PTPRN2: variants seen among roughly 807,000 people sequenced by gnomAD.
PTPRN2 encodes the protein protein tyrosine phosphatase receptor type N2, also known as receptor-type tyrosine-protein phosphatase N2.
PTPRN2 carries 74 observed loss-of-function variants against 118.8 expected under a neutral mutation model. The observed-to-expected ratio is 0.62, with a 90% CI of 0.52 to 0.76. The LOEUF (loss-of-function observed/expected upper bound fraction) is 0.76, where lower values mean the gene tolerates loss of function less well. Ranked by LOEUF, PTPRN2 falls within the 30% of genes least tolerant of loss-of-function variation. PTPRN2 has a pLI of 0.00. For missense variants in PTPRN2, 1,481 were observed against 1,394.4 expected, an observed-to-expected ratio of 1.06 and a Z score of -0.99; for synonymous variants, 641 against 608.0, an observed-to-expected ratio of 1.05 and a Z score of -0.80.
intron 2 of PTPRN2, among the ~76,000 whole-genome samples, chr7:158,429,121 T>A (rs1815975373): frequency 6.6e-6 from 1 of 152,168 alleles, no homozygotes. Context: ...ACTAAGAACA[T>A]GCTTCCGGAT....
Position 158,093,457 on chromosome 7 carries a change from C to T in PTPRN2, c.1644-12080G>A, listed in dbSNP as rs1814380445. ...TTGTGCTTTTACTCCCTGAATTGTT[C>T]CTGATGATAACTTGCCTCCTCCAGT... On this transcript the variant is annotated intron_variant, in intron 10 of 22. Transcript: ENST00000389418. The surrounding 1 kb of genome is among the most constrained non-coding windows in gnomAD (Gnocchi z 4.4). 6.6e-6 allele frequency among the ~76,000 whole-genome samples: 1 copy of T among 152,222 alleles called. No individual in the cohort carries two copies. The highest frequency in any genetic ancestry group is 2.4e-5 in the African/African-American group (1 of 41,452).
chr7:158,081,191 G>GGTA, intron 11 of PTPRN2, 107 bp downstream of exon 11: 1 of 1,145,338 alleles, frequency 8.7e-7, no homozygotes, highest in Non-Finnish European at 1.3e-6. Flanking sequence ...GCCCCATGTG[G>GGTA]GTAGTGTGAG....
chr7:157,935,788 AG>A (rs1300819839), intron 11 of PTPRN2, among the ~76,000 whole-genome samples: 2 of 150,884 alleles, frequency 1.3e-5, no homozygotes, highest in Non-Finnish European at 3.0e-5. Flanking sequence ...TCACTCCCTC[AG>A]GGGGGTCTAG....
intron 9 of PTPRN2, among the ~76,000 whole-genome samples, chr7:158,122,134 C>T (rs1283584925): frequency 6.6e-6 from 1 of 152,184 alleles, no homozygotes; most frequent in Non-Finnish European, 1.5e-5. Flanking sequence ...AGAAGAGAAA[C>T]AGGCATGAGA....
At chr7:157,897,497 C>T (rs1205188254) in intron 12 of PTPRN2, among the ~76,000 whole-genome samples, 1 of 152,174 alleles carries the variant, frequency 6.6e-6, no homozygotes, top group Non-Finnish European at 1.5e-5. Flanking sequence ...TCATCCGGCA[C>T]GAGCCAGGAA....
Position 158,567,635 on chromosome 7 carries a change from G to A in PTPRN2, c.112+19923C>T, listed in dbSNP as rs549482350. Among the ~76,000 whole-genome samples, 10 of 152,290 alleles carry A rather than the reference G, an allele frequency of 6.6e-5. No individual in the cohort carries two copies. In the East Asian group the frequency reaches 1.9e-3, roughly 29 times the overall value. ...AACACAGGGGAAAGCTGTCTTGGGC[G>A]GGGACATGGCCCTCGAGGAGCAAGC... On this transcript the variant is annotated intron_variant, in intron 1 of 22. Coordinates refer to ENST00000389418, the MANE Select transcript of PTPRN2 (RefSeq NM_002847.5).
chr7:158,422,127 A>G (rs1205923678), intron 2 of PTPRN2, among the ~76,000 whole-genome samples: 2 of 152,248 alleles, frequency 1.3e-5, no homozygotes, highest in Non-Finnish European at 2.9e-5. Flanking sequence ...ATTTTGCTAG[A>G]ATCCATTAAT....
rs548011091 is a variant in PTPRN2 at position 157,787,073 on chromosome 7, G to A, written c.1789-104136C>T. ...CTGCCCGGGAGGCGGACGCGGGTGC[G>A]GCGGGGGACGCGGGGGTGGCTGCCC... is the stretch of plus-strand genomic sequence containing the variant. On this transcript the variant is annotated intron_variant, in intron 12 of 22. Coordinates refer to ENST00000389418, the MANE Select transcript of PTPRN2 (RefSeq NM_002847.5). This position sits in a 1 kb window ranked among gnomAD's most constrained non-coding sequence, Gnocchi z 5.3. Among the ~76,000 whole-genome samples the A allele has an allele frequency of 5.5e-4, 78 of 142,776 alleles. No individual in the cohort carries two copies. Among genetic ancestry groups the A allele is most frequent in the African/African-American group, 1.9e-3 (72 of 38,430 alleles). 93.7% of individuals were successfully genotyped at this position (142,776 alleles called of 152,430 possible). A position where few individuals can be genotyped will look rare whatever the true frequency, so the allele number is the denominator to read the frequency against.
intron 2 of PTPRN2, among the ~76,000 whole-genome samples, chr7:158,327,307 A>G (rs1803693748): frequency 6.6e-6 from 1 of 150,962 alleles, no homozygotes; most frequent in African/African-American, 2.5e-5. Flanking sequence ...ACATTCTCAC[A>G]CATACACATT....
rs191201361 is a variant in PTPRN2 at position 158,022,313 on chromosome 7, C to T, written c.1723+58985G>A. Among the ~76,000 whole-genome samples, 22 of 152,330 alleles carry T rather than the reference C, an allele frequency of 1.4e-4. No homozygotes were observed. The highest frequency in any genetic ancestry group is 4.1e-4 in the African/African-American group (17 of 41,584). Reference sequence around the variant, plus strand: ...TCCGAGCGTTTTCCATCCTTCCTGACGGCCTCCACCACGAGACTTCAGGTC... The same window carrying T: ...TCCGAGCGTTTTCCATCCTTCCTGATGGCCTCCACCACGAGACTTCAGGTC... On this transcript the variant is annotated intron_variant, in intron 11 of 22. Transcript: ENST00000389418. This position sits in a 1 kb window ranked among gnomAD's most constrained non-coding sequence, Gnocchi z 4.6.
Position 157,682,891 on chromosome 7 carries a change from G to A in PTPRN2, c.1835C>T (p.Ser612Phe). 1.9e-6 allele frequency: 3 copies of A among 1,614,018 alleles called. No individual in the cohort carries two copies. The highest frequency in any genetic ancestry group is 2.5e-6 in the Non-Finnish European group (3 of 1,179,982). ...CAGGGTGAGCGCGATGAACTTGGTGGAGTCTTCTTGCTCCGCCTGAGGAGG... is the reference window on the plus strand; with the variant it reads ...CAGGGTGAGCGCGATGAACTTGGTGAAGTCTTCTTGCTCCGCCTGAGGAGG... ...FLPPQAEQED[S>F]TKFIALTLVS... The change falls in exon 13 of 23, where the codon TCC (serine) becomes TTC (phenylalanine). Residue 612 changes from serine (S) to phenylalanine (F), a missense_variant. This residue lies in a region of PTPRN2 where 1,115 missense variants were observed against 994.2 expected (regional missense o/e 1.12). Coordinates refer to ENST00000389418, the MANE Select transcript of PTPRN2 (RefSeq NM_002847.5).
intron 12 of PTPRN2, among the ~76,000 whole-genome samples, chr7:157,858,084 C>T (rs879068003): frequency 3.6e-5 from 4 of 111,102 alleles, no homozygotes; most frequent in African/African-American, 7.3e-5. Flanking sequence ...AGAACCCCGT[C>T]ACCACCCACA....
intron 4 of PTPRN2, among the ~76,000 whole-genome samples, chr7:158,199,512 G>A (rs77314859): frequency 2.0e-5 from 3 of 152,258 alleles, no homozygotes; most frequent in Non-Finnish European, 2.9e-5. Context: ...TTCTAATGTC[G>A]CCTTTATTTC....
chr7:158,257,425 T>C (rs928797231), intron 3 of PTPRN2, among the ~76,000 whole-genome samples: 1 of 152,222 alleles, frequency 6.6e-6, no homozygotes, highest in Non-Finnish European at 1.5e-5. Context: ...GGACCTGCTG[T>C]ACGTGCGCTA....
chr7:158,247,616 TTTTGTTTG>T (rs141003097), intron 3 of PTPRN2, among the ~76,000 whole-genome samples: 1 of 151,818 alleles, frequency 6.6e-6, no homozygotes, highest in East Asian at 2.0e-4. Flanking sequence ...TCTGCGGTTT[TTTTGTTTG>T]TTTGTTTTTA....
At chr7:158,095,182 T>A (rs555870916) in intron 10 of PTPRN2, among the ~76,000 whole-genome samples, 1 of 151,650 alleles carries the variant, frequency 6.6e-6, no homozygotes, top group East Asian at 2.0e-4. Flanking sequence ...ATGCGCAACG[T>A]CTCTGACTGG....
intron 13 of PTPRN2, among the ~76,000 whole-genome samples, chr7:157,681,363 T>G (rs957827611): frequency 6.6e-6 from 1 of 152,228 alleles, no homozygotes; most frequent in South Asian, 2.1e-4. Flanking sequence ...TACTAGTTTA[T>G]GTGACATTTT....
rs546997617 is a variant in PTPRN2 at position 157,676,854 on chromosome 7, C to A, written c.2001+5871G>T. Among the ~76,000 whole-genome samples, 7 of 152,258 alleles carry A rather than the reference C, an allele frequency of 4.6e-5. No homozygotes were observed. The South Asian group carries it at 1.2e-3, about 27-fold the overall frequency. ...GGACCTGCTGTGCATGCAGGGGTCA[C>A]CCCAGGAGCGACCCTGGCTTTGACG... On this transcript the variant is annotated intron_variant, in intron 13 of 22. Coordinates refer to ENST00000389418, the MANE Select transcript of PTPRN2 (RefSeq NM_002847.5). The surrounding 1 kb of genome is among the most constrained non-coding windows in gnomAD (Gnocchi z 5.6).
At chr7:158,319,657 A>G (rs60230784) in intron 2 of PTPRN2, among the ~76,000 whole-genome samples, 1 of 15,848 alleles carries the variant, frequency 6.3e-5, no homozygotes. Context: ...CCTCACACAC[A>G]CACACAGCCT....
Sources: gnomAD v4.1 joint callset for allele counts (sites outside exome capture counted in the v4.1 genomes callset) on GRCh38, gnomAD v4.1.1 for gene constraint, gnomAD v4.1.1 regional missense constraint, Gnocchi (gnomAD v3.1) non-coding constraint, MANE v1.5 for transcripts, NCBI Gene and HGNC (gene_info 2026-07-23, HGNC 2026-07-21) for gene names.